ITPKB: variants seen among roughly 807,000 people sequenced by gnomAD.
ITPKB encodes the protein IP3 3-kinase B.
ITPKB carries 13 observed loss-of-function variants against 69.4 expected under a neutral mutation model. The ratio of observed to expected loss-of-function variants is 0.19; its 90% CI spans 0.12 to 0.30. The LOEUF is 0.30. Ranked by LOEUF, ITPKB falls within the 10% of genes least tolerant of loss-of-function variation. The pLI is 1.00. For missense variants in ITPKB, 1,240 were observed against 1,250.5 expected, an observed-to-expected ratio of 0.99 and a Z score of 0.13; for synonymous variants, 584 against 513.7, an observed-to-expected ratio of 1.14 and a Z score of -1.85.
chr1:226,686,763 G>C (rs988117046), intron 2 of ITPKB, among the ~76,000 whole-genome samples: 1 of 152,254 alleles, frequency 6.6e-6, no homozygotes, highest in African/African-American at 2.4e-5. Flanking sequence ...CATCCCAAAG[G>C]GTTTAGGTGT....
chr1:226,641,787 C>T lies in ITPKB; in HGVS notation c.2451+134G>A. 1.2e-6 allele frequency: 1 copy of T among 801,324 alleles called. No homozygotes were observed. Among genetic ancestry groups the T allele is most frequent in the Non-Finnish European group, 2.0e-6 (1 of 501,158 alleles). 49.6% of individuals were successfully genotyped at this position (801,324 alleles called of 1,614,324 possible). ...TAGGCTGATGTCTCCAAATGTCTGG[C>T]CTTGGGGCGGGCCACCCACATTCTG... On this transcript the variant is annotated intron_variant, in intron 5 of 7. Transcript: ENST00000429204. The surrounding 1 kb of genome is among the most constrained non-coding windows in gnomAD (Gnocchi z 4.6).
intron 2 of ITPKB, among the ~76,000 whole-genome samples, chr1:226,686,084 AC>A (rs370888877): frequency 3.3e-5 from 5 of 151,410 alleles, no homozygotes; most frequent in Admixed American, 2.0e-4. Flanking sequence ...AGATAAAGCG[AC>A]CCCCCGCCCT....
chr1:226,716,746 C>T (rs1237075027), intron 2 of ITPKB, among the ~76,000 whole-genome samples: 1 of 152,184 alleles, frequency 6.6e-6, no homozygotes, highest in African/African-American at 2.4e-5. Flanking sequence ...AATCAAATAA[C>T]CACTGAAACA....
At chr1:226,675,263 G>A (rs150275852) in intron 2 of ITPKB, among the ~76,000 whole-genome samples, 2,013 of 152,088 alleles carry the variant, frequency 0.013, 17 homozygotes, top group Non-Finnish European at 0.023. Flanking sequence ...GGAAACGCTC[G>A]CTTGAAACAG....
chr1:226,694,017 C>A (rs1469497057), intron 2 of ITPKB, among the ~76,000 whole-genome samples: 2 of 152,216 alleles, frequency 1.3e-5, no homozygotes, highest in Non-Finnish European at 2.9e-5. Context: ...ATTTGCCTAA[C>A]ATTTTGCCAA....
At chr1:226,681,230 C>T (rs1352474220) in intron 2 of ITPKB, among the ~76,000 whole-genome samples, 1 of 152,164 alleles carries the variant, frequency 6.6e-6, no homozygotes, top group Admixed American at 6.5e-5. Context: ...TTCCTTTCTT[C>T]CTAGCCTGTG....
At chr1:226,708,505 A>G (rs1449460677) in intron 2 of ITPKB, among the ~76,000 whole-genome samples, 1 of 152,210 alleles carries the variant, frequency 6.6e-6, no homozygotes, top group Non-Finnish European at 1.5e-5. Flanking sequence ...CACAGGGGAT[A>G]TCTGCTGGGA....
At chr1:226,683,015 G>T (rs1425207456) in intron 2 of ITPKB, among the ~76,000 whole-genome samples, 1 of 152,214 alleles carries the variant, frequency 6.6e-6, no homozygotes, top group Non-Finnish European at 1.5e-5. Context: ...AGGTCTGTCT[G>T]CCCACAGACT....
At chr1:226,722,858 G>T (rs535378785) in intron 2 of ITPKB, among the ~76,000 whole-genome samples, 2 of 127,132 alleles carry the variant, frequency 1.6e-5, no homozygotes, top group South Asian at 4.7e-4. Flanking sequence ...GGGTCCTGGG[G>T]CTAGAAAAGG....
Position 226,737,635 on chromosome 1 carries a change from C to T in ITPKB, c.-177G>A. On this transcript the variant is annotated 5_prime_UTR_variant, in exon 2 of 8. Coordinates refer to ENST00000429204, the MANE Select transcript of ITPKB (RefSeq NM_002221.4). ...GGGGCACGACCGCGGGCTCAGCCCC[C>T]GCCCAAAGCTCCATAAACAACCGTG... 9.0e-7 allele frequency: 1 copy of T among 1,112,198 alleles called. No individual in the cohort carries two copies. The highest frequency in any genetic ancestry group is 3.9e-4 in the Middle Eastern group (1 of 2,592). The allele number at this position is 1,112,198 out of a possible 1,614,324, so 68.9% of individuals were successfully genotyped here.
At chr1:226,727,142 C>G (rs1318407676) in intron 2 of ITPKB, among the ~76,000 whole-genome samples, 1 of 152,204 alleles carries the variant, frequency 6.6e-6, no homozygotes, top group Non-Finnish European at 1.5e-5. Context: ...TTAAATCTAT[C>G]ATTCAGATAG....
chr1:226,695,883 G>A (rs968781903), intron 2 of ITPKB, among the ~76,000 whole-genome samples: 2 of 152,170 alleles, frequency 1.3e-5, no homozygotes, highest in African/African-American at 2.4e-5. Context: ...ACAGTAAGAT[G>A]AGGGAAGAGA....
chr1:226,726,817 A>T (rs547324623), intron 2 of ITPKB, among the ~76,000 whole-genome samples: 1 of 152,286 alleles, frequency 6.6e-6, no homozygotes, highest in South Asian at 2.1e-4. Flanking sequence ...AGTTTGTCAA[A>T]CAGTGACCTT....
intron 2 of ITPKB, among the ~76,000 whole-genome samples, chr1:226,719,376 C>T (rs562731442): frequency 1.1e-4 from 16 of 152,196 alleles, no homozygotes; most frequent in Admixed American, 5.2e-4. Context: ...GCTGACTTAC[C>T]GTGCCCTGTG....
chr1:226,700,042 G>C (rs558775307), intron 2 of ITPKB, among the ~76,000 whole-genome samples: 3 of 152,266 alleles, frequency 2.0e-5, no homozygotes, highest in African/African-American at 7.2e-5. Context: ...TTTTCTGCCT[G>C]CTTTATTTTC....
chr1:226,716,734 C>A (rs1380250285), intron 2 of ITPKB, among the ~76,000 whole-genome samples: 11 of 152,124 alleles, frequency 7.2e-5, no homozygotes, highest in Admixed American at 7.2e-4. Context: ...GGTCTTGAGC[C>A]CAATCAAATA....
At chr1:226,669,734 C>T (rs976772073) in intron 2 of ITPKB, among the ~76,000 whole-genome samples, 1 of 152,038 alleles carries the variant, frequency 6.6e-6, no homozygotes, top group Non-Finnish European at 1.5e-5. Flanking sequence ...ATACAAAGAA[C>T]TCAAACAAAT....
rs79566178 is a variant in ITPKB, at chr1:226,653,167, G to C, written c.1933-4396C>G. Among the ~76,000 whole-genome samples, 22 of 152,286 alleles carry C rather than the reference G, an allele frequency of 1.4e-4. No individual in the cohort carries two copies. In the East Asian group the frequency reaches 4.2e-3, roughly 29 times the overall value. Reference sequence around the variant, plus strand: ...GGAGTGTTTTCTCCATTTTACAGATGAAAGAGTCTGAGGCTCAGCAAGTTA... The same window carrying C: ...GGAGTGTTTTCTCCATTTTACAGATCAAAGAGTCTGAGGCTCAGCAAGTTA... On this transcript the variant is annotated intron_variant, in intron 2 of 7. Coordinates refer to ENST00000429204, the MANE Select transcript of ITPKB (RefSeq NM_002221.4).
At chr1:226,636,759 T>A (rs926293934) in intron 7 of ITPKB, among the ~76,000 whole-genome samples, 1 of 137,330 alleles carries the variant, frequency 7.3e-6, no homozygotes, top group South Asian at 2.7e-4. Flanking sequence ...GCTCTGTGTG[T>A]GTGTGTGTGT....
Sources: gnomAD v4.1 joint callset for allele counts (sites outside exome capture counted in the v4.1 genomes callset) on GRCh38, gnomAD v4.1.1 for gene constraint, Gnocchi (gnomAD v3.1) non-coding constraint, MANE v1.5 for transcripts, NCBI Gene and HGNC (gene_info 2026-07-23, HGNC 2026-07-21) for gene names.